Variants in ICE1 observed in about 807,000 individuals in gnomAD.
ICE1 encodes the protein interactor of little elongation complex ELL subunit 1.
In ICE1, 64 loss-of-function variants were observed where a neutral mutation model predicts 192.7. That is an observed-to-expected ratio of 0.33 (90% CI 0.27 to 0.41). The LOEUF (loss-of-function observed/expected upper bound fraction) is 0.41. ICE1 is among the 10% of genes least tolerant of loss of function. The pLI, the probability that ICE1 is intolerant of heterozygous loss-of-function variation, is 1.00. For missense variants in ICE1, 2,708 were observed against 2,696.0 expected, an observed-to-expected ratio of 1.00 and a Z score of -0.10; for synonymous variants, 1,010 against 984.5, an observed-to-expected ratio of 1.03 and a Z score of -0.49.
chr5:5,468,817 A>G lies in ICE1; in HGVS notation c.6062-11A>G. On this transcript the variant is annotated splice_polypyrimidine_tract_variant and intron_variant, in intron 14 of 18. Transcript: ENST00000296564. ...CATCAAAGAGTTATTGTATTATTTT[A>G]TTTCTGATAGATTTTCCGGAGTCTG... 3.3e-6 allele frequency: 5 copies of G among 1,523,142 alleles called. No individual in the cohort carries two copies. The highest frequency in any genetic ancestry group is 4.5e-6 in the Non-Finnish European group (5 of 1,120,558). 94.4% of individuals were successfully genotyped at this position (1,523,142 alleles called of 1,614,324 possible). A position where few individuals can be genotyped will look rare whatever the true frequency, so the allele number is the denominator to read the frequency against.
chr5:5,461,382 T>C lies in ICE1; in HGVS notation c.2048T>C (p.Leu683Ser), dbSNP rs776714667. ...HKLQTKTLNT[L>S]HLQSEPPECS... is the part of the protein sequence containing the mutation. ...TTGCAAACTAAAACTTTAAACACAT[T>C]ACATCTGCAGTCTGAGCCACCGGAG... Residue 683 changes from leucine (L) to serine (S), a missense_variant, in exon 13 of 19, where the codon TTA becomes TCA. By Grantham distance (145) the Leu-to-Ser change is moderately radical. Transcript: ENST00000296564. 6.2e-7 allele frequency: 1 copy of C among 1,613,922 alleles called. No homozygotes were observed. Among genetic ancestry groups the C allele is most frequent in the Non-Finnish European group, 8.5e-7 (1 of 1,179,866 alleles).
At chr5:5,468,647 T>C (rs1739063600) in intron 14 of ICE1, among the ~76,000 whole-genome samples, 181 bp from the exon 15 acceptor site, 1 of 152,196 alleles carries the variant, frequency 6.6e-6, no homozygotes, top group African/African-American at 2.4e-5. Context: ...ACTGAGGAAG[T>C]TGGAGAACGG....
At chr5:5,441,985 A>C (rs1738066071) in intron 5 of ICE1, among the ~76,000 whole-genome samples, 1 of 152,140 alleles carries the variant, frequency 6.6e-6, no homozygotes, top group Admixed American at 6.5e-5. Context: ...GGTGATACTT[A>C]TTAAGCTGAG....
chr5:5,488,700 CTT>C, intron 18 of ICE1, among the ~76,000 whole-genome samples: 1 of 152,208 alleles, frequency 6.6e-6, no homozygotes, highest in East Asian at 1.9e-4. Context: ...CATTATATCT[CTT>C]ATTATGTTTT....
chr5:5,473,769 A>G, intron 16 of ICE1, 21 bp downstream of exon 16: 1 of 1,501,706 alleles, frequency 6.7e-7, no homozygotes, highest in Non-Finnish European at 8.9e-7. Context: ...TTACTAATTT[A>G]AATAAAGATA....
chr5:5,437,014 CATA>C, intron 2 of ICE1, 63 bp from the exon 3 acceptor site: 1 of 1,049,740 alleles, frequency 9.5e-7, no homozygotes, highest in Non-Finnish European at 1.4e-6. Flanking sequence ...TGGATTGAAA[CATA>C]ATTTTAACAT....
chr5:5,476,146 A>G (rs866490516), intron 17 of ICE1, 67 bp downstream of exon 17: 2 of 790,296 alleles, frequency 2.5e-6, no homozygotes. Context: ...CTGGGGGGTT[A>G]ACTGTATAAT....
Position 5,462,327 on chromosome 5 carries a change from A to T in ICE1, c.2993A>T (p.His998Leu). The change falls in exon 13 of 19, where the codon CAT becomes CTT. Residue 998 changes from histidine to leucine, a missense_variant. This residue lies in a region of ICE1 where 2,366 missense variants were observed against 2,276.6 expected (regional missense o/e 1.04). Transcript: ENST00000296564. ...ACAGATCTGGACTCCAGTGGGACAC[A>T]TGGCAGTGAGATGCTTCCAGCCACA... ...QATDLDSSGTHGSEMLPATEV... is the reference protein window; with the variant it reads ...QATDLDSSGTLGSEMLPATEV... 3 of 1,614,006 alleles carry T rather than the reference A, an allele frequency of 1.9e-6. No individual in the cohort carries two copies. The highest frequency in any genetic ancestry group is 2.5e-6 in the Non-Finnish European group (3 of 1,179,886).
At chr5:5,478,878 G>A (rs540194164) in intron 17 of ICE1, among the ~76,000 whole-genome samples, 4 of 152,244 alleles carry the variant, frequency 2.6e-5, no homozygotes, top group Non-Finnish European at 5.9e-5. Flanking sequence ...ATGGTGCTGG[G>A]AAAACTGGCT....
chr5:5,485,770 A>G (rs951110020), intron 17 of ICE1, among the ~76,000 whole-genome samples: 2 of 152,196 alleles, frequency 1.3e-5, no homozygotes, highest in Non-Finnish European at 2.9e-5. Context: ...TAATATCACC[A>G]ATCTCATCAC....
At chr5:5,460,255 A>G (rs1738727654) in intron 12 of ICE1, among the ~76,000 whole-genome samples, 181 bp from the exon 13 acceptor site, 1 of 152,226 alleles carries the variant, frequency 6.6e-6, no homozygotes, top group African/African-American at 2.4e-5. Context: ...AGAGCAGAAC[A>G]GTGTTGGACC....
chr5:5,449,918 C>G (rs1404973533), intron 10 of ICE1, among the ~76,000 whole-genome samples: 2 of 152,146 alleles, frequency 1.3e-5, no homozygotes, highest in Non-Finnish European at 2.9e-5. Context: ...CCATGTAAAC[C>G]CTCACAACTG....
chr5:5,488,674 G>T (rs996936738), intron 18 of ICE1, among the ~76,000 whole-genome samples: 1 of 152,146 alleles, frequency 6.6e-6, no homozygotes. Context: ...AGTATGGTAC[G>T]CTACAAAAAG....
chr5:5,462,815 A>G lies in ICE1; in HGVS notation c.3481A>G (p.Ile1161Val), dbSNP rs1445549434. The change falls in exon 13 of 19, where the codon ATA becomes GTA. Residue 1161 changes from isoleucine (I) to valine (V), a missense_variant. This residue lies in a region of ICE1 where 2,366 missense variants were observed against 2,276.6 expected (regional missense o/e 1.04). Coordinates refer to ENST00000296564, the MANE Select transcript of ICE1 (RefSeq NM_015325.3). ...YLTSALQDFN[I>V]STFSELDRLS... ...GACGTCAGCTCTGCAAGATTTTAAC[A>G]TAAGTACTTTTTCTGAGCTGGATAG... is the stretch of plus-strand genomic sequence containing the variant. 4.3e-6 allele frequency: 7 copies of G among 1,612,292 alleles called. No homozygotes were observed. In the South Asian group the frequency reaches 5.5e-5, roughly 13 times the overall value.
chr5:5,439,718 A>C (rs1037680439), intron 3 of ICE1, among the ~76,000 whole-genome samples, 177 bp from the exon 4 acceptor site: 1 of 151,846 alleles, frequency 6.6e-6, no homozygotes, highest in Non-Finnish European at 1.5e-5. Context: ...GAAATAACTC[A>C]GTAAAAAGAC....
chr5:5,483,977 G>C (rs965210316), intron 17 of ICE1, among the ~76,000 whole-genome samples: 1 of 152,204 alleles, frequency 6.6e-6, no homozygotes, highest in South Asian at 2.1e-4. Context: ...AGAAGGGTCT[G>C]CCTGTAGACT....
intron 1 of ICE1, 23 bp from the exon 2 acceptor site, chr5:5,436,395 G>C: frequency 7.1e-7 from 1 of 1,417,958 alleles, no homozygotes. Flanking sequence ...TAAAAAAGCT[G>C]ACTGTGGCTT....
chr5:5,452,728 A>T (rs1738460434), intron 10 of ICE1, among the ~76,000 whole-genome samples: 2 of 152,180 alleles, frequency 1.3e-5, no homozygotes, highest in Admixed American at 1.3e-4. Context: ...CTGAATAATG[A>T]TTACGCTCTA....
intron 17 of ICE1, among the ~76,000 whole-genome samples, chr5:5,476,667 C>G (rs1246074954): frequency 6.6e-6 from 1 of 152,160 alleles, no homozygotes; most frequent in Non-Finnish European, 1.5e-5. Flanking sequence ...ACCAAATCTC[C>G]TGTGAACTCA....
Sources: gnomAD v4.1 joint callset for allele counts (sites outside exome capture counted in the v4.1 genomes callset) on GRCh38, gnomAD v4.1.1 for gene constraint, gnomAD v4.1.1 regional missense constraint, MANE v1.5 for transcripts, NCBI Gene and HGNC (gene_info 2026-07-23, HGNC 2026-07-21) for gene names.